PAX4: variants seen among roughly 807,000 people sequenced by gnomAD.
PAX4 encodes the protein paired box 4.
Under a neutral mutation model 40.6 loss-of-function variants are expected in PAX4, and 33 were observed. The observed-to-expected ratio is 0.81, with a 90% CI of 0.62 to 1.09. PAX4 has a LOEUF of 1.09. Ranked by LOEUF, PAX4 falls within the 50% of genes least tolerant of loss-of-function variation. The pLI is 0.00. For synonymous variants in PAX4, 174 were observed against 170.6 expected, an observed-to-expected ratio of 1.02 and a Z score of -0.16; for missense variants, 459 against 442.5, an observed-to-expected ratio of 1.04 and a Z score of -0.33.
chr7:127,616,011 C>T lies in PAX4; in HGVS notation c.-83G>A. ...AAGTTCCTTCTAGGAGCTCCTTTTC[C>T]AGCTTGGGGGCTGGCTCTGCAATAA... On this transcript the variant is annotated 5_prime_UTR_variant, in exon 3 of 12. Coordinates refer to ENST00000639438, the MANE Select transcript of PAX4 (RefSeq NM_001366110.1). 6.7e-7 allele frequency: 1 copy of T among 1,488,664 alleles called. No individual in the cohort carries two copies. The highest frequency in any genetic ancestry group is 9.0e-7 in the Non-Finnish European group (1 of 1,105,006). 92.2% of individuals were successfully genotyped at this position (1,488,664 alleles called of 1,614,324 possible).
In PAX4 at chr7:127,616,002, C is replaced by T. The variant is rs1794719338; in HGVS notation, c.-74G>A. ...TGGGAAGGGAAGTTCCTTCTAGGAG[C>T]TCCTTTTCCAGCTTGGGGGCTGGCT... On this transcript the variant is annotated 5_prime_UTR_variant, in exon 3 of 12. Transcript: ENST00000639438. 15 of 1,514,982 alleles carry T rather than the reference C, an allele frequency of 9.9e-6. No individual in the cohort carries two copies. Among genetic ancestry groups the T allele is most frequent in the African/African-American group, 1.4e-5 (1 of 72,520 alleles). 93.8% of individuals were successfully genotyped at this position (1,514,982 alleles called of 1,614,324 possible).
chr7:127,615,941 CCCT>C lies in PAX4; in HGVS notation c.-16_-14del. 1.3e-6 allele frequency: 2 copies of C among 1,536,106 alleles called. No individual in the cohort carries two copies. Among genetic ancestry groups the C allele is most frequent in the South Asian group, 2.4e-5 (2 of 84,040 alleles). The stretch of plus-strand genomic sequence containing the variant: ...CGTCCTGATGCATGCTCCAGGCTGA[CCCT>C]CCTCAGAAGGATGAGACTCCAGCTG... On this transcript the variant is annotated 5_prime_UTR_variant, in exon 3 of 12. Transcript: ENST00000639438.
chr7:127,614,986 AC>A lies in PAX4; in HGVS notation c.253del (p.Val85TrpfsTer7), dbSNP rs1261503400. On this transcript the variant is annotated frameshift_variant, in exon 5 of 12. Coordinates refer to ENST00000639438, the MANE Select transcript of PAX4 (RefSeq NM_001366110.1). LOFTEE classifies it high-confidence loss of function. ...ACCCTTCAGCTGGGCAATTCGAGCC[AC>A]CACAGGGGGTGTAGCCAGCCGTGGC... ...SKPRLATPPVVARIAQLKGEC... is the reference protein window; with the variant it reads ...SKPRLATPPVXARIAQLKGEC... The A allele has an allele frequency of 3.1e-6, 5 of 1,614,172 alleles. No homozygotes were observed. The highest frequency in any genetic ancestry group is 4.2e-6 in the Non-Finnish European group (5 of 1,180,034).
rs1362357505 is a variant in PAX4 at position 127,613,482 on chromosome 7, T to C, written c.613A>G (p.Thr205Ala). 2 of 1,614,202 alleles carry C rather than the reference T, an allele frequency of 1.2e-6. No homozygotes were observed. The highest frequency in any genetic ancestry group is 2.7e-5 in the African/African-American group (2 of 75,062). ...GTGTCCTCAGGCAGAGAGGTGGCAG[T>C]AGCCAGCTTTCCACGGGCCACTGAA... Reference protein sequence around the residue: ...PDSVARGKLATATSLPEDTVR... With the variant: ...PDSVARGKLAAATSLPEDTVR... The change falls in exon 8 of 12, where the codon ACT becomes GCT. Residue 205 changes from threonine (T) to alanine (A), a missense_variant. Coordinates refer to ENST00000639438, the MANE Select transcript of PAX4 (RefSeq NM_001366110.1).
At chr7:127,611,335 C>G in intron 11 of PAX4, 129 bp from the exon 12 acceptor site, 4 of 1,319,218 alleles carry the variant, frequency 3.0e-6, no homozygotes, top group Non-Finnish European at 4.3e-6. Context: ...GTCTCACATC[C>G]TTTACCTGCT....
intron 7 of PAX4, 88 bp downstream of exon 7, chr7:127,613,668 C>A: frequency 6.2e-7 from 1 of 1,603,118 alleles, no homozygotes; most frequent in Non-Finnish European, 8.5e-7. Flanking sequence ...ACACCTGCAC[C>A]TCTCAGCCTT....
At position 127,610,381 on chromosome 7, in the gene PAX4, T is replaced by C. The variant is rs146924944; in HGVS notation, c.*683A>G. ...AATACATATGCAAATACAAAATACATATGACAAAATACATATGACAAAAAT... is the reference window on the plus strand; with the variant it reads ...AATACATATGCAAATACAAAATACACATGACAAAATACATATGACAAAAAT... On this transcript the variant is annotated 3_prime_UTR_variant, in exon 12 of 12. Coordinates refer to ENST00000639438, the MANE Select transcript of PAX4 (RefSeq NM_001366110.1). 6.4e-6 allele frequency: 1 copy of C among 155,796 alleles called. No individual in the cohort carries two copies. Among genetic ancestry groups the C allele is most frequent in the East Asian group, 1.8e-4 (1 of 5,412 alleles). The allele number at this position is 155,796 out of a possible 1,614,324, so 9.7% of individuals were successfully genotyped here.
intron 5 of PAX4, 152 bp downstream of exon 5, chr7:127,614,728 C>A: frequency 8.2e-7 from 1 of 1,214,312 alleles, no homozygotes; most frequent in Non-Finnish European, 1.2e-6. Flanking sequence ...CTCTTATTAC[C>A]ACCACTTTTC....
chr7:127,612,934 AGGATGGATGGATGGATGGATGGAT>A, intron 9 of PAX4, 64 bp downstream of exon 9: 1 of 920,102 alleles, frequency 1.1e-6, no homozygotes, highest in Non-Finnish European at 1.8e-6. Flanking sequence ...GGACGAATGG[AGGATGGATGGATGGATGGATGGAT>A]GGATGGATGG....
At chr7:127,615,278 C>T in intron 4 of PAX4, 123 bp downstream of exon 4, 1 of 1,604,362 alleles carries the variant, frequency 6.2e-7, no homozygotes. Context: ...GAGGATCTCC[C>T]AGGAAGTGAC....
In PAX4 at chr7:127,611,546, T is replaced by A; in HGVS notation, c.902A>T (p.Lys301Met). 1.2e-6 allele frequency: 2 copies of A among 1,613,786 alleles called. No individual in the cohort carries two copies. The highest frequency in any genetic ancestry group is 1.3e-5 in the African/African-American group (1 of 75,014). The stretch of plus-strand genomic sequence containing the variant: ...GCCTGAATTCTTACCCCAGCAGGGC[T>A]TGAGACAGGCTTTAGGTGGGGTGTC... ...LSDTPPKACLKPCWGHLPPQP... is the reference protein window; with the variant it reads ...LSDTPPKACLMPCWGHLPPQP... Residue 301 changes from lysine (K) to methionine (M), a missense_variant, in exon 11 of 12, where the codon AAG (lysine) becomes ATG (methionine). Coordinates refer to ENST00000639438, the MANE Select transcript of PAX4 (RefSeq NM_001366110.1).
chr7:127,614,417 T>G lies in PAX4; in HGVS notation c.436+65A>C. ...GATCCAAGAAAGAACGAGAAAGGGC[T>G]TTGAGAACTATAAAATGCTAGAGAT... On this transcript the variant is annotated intron_variant, in intron 6 of 11. Transcript: ENST00000639438. 8.5e-6 allele frequency: 11 copies of G among 1,295,410 alleles called. No individual in the cohort carries two copies. In the South Asian group the frequency reaches 1.4e-4, roughly 16 times the overall value. The allele number at this position is 1,295,410 out of a possible 1,614,324, so 80.2% of individuals were successfully genotyped here.
At chr7:127,613,222 T>C in intron 8 of PAX4, 131 bp from the exon 9 acceptor site, 1 of 889,068 alleles carries the variant, frequency 1.1e-6, no homozygotes, top group South Asian at 1.4e-5. Context: ...CCCTCCCTGC[T>C]CTAGCTTTTG....
intron 4 of PAX4, 81 bp from the exon 5 acceptor site, chr7:127,615,176 TAAGACAAAGCC>T: frequency 6.2e-7 from 1 of 1,609,392 alleles, no homozygotes; most frequent in Non-Finnish European, 8.5e-7. Flanking sequence ...GAGGAGGCTA[TAAGACAAAGCC>T]AAGACTTACT....
intron 9 of PAX4, 61 bp from the exon 10 acceptor site, chr7:127,612,061 T>C: frequency 3.3e-6 from 5 of 1,521,462 alleles, no homozygotes; most frequent in Non-Finnish European, 4.5e-6. Context: ...GGGAGGAGTG[T>C]GGTGAGAGGC....
intron 9 of PAX4, among the ~76,000 whole-genome samples, 160 bp from the exon 10 acceptor site, chr7:127,612,160 T>C (rs1316127607): frequency 6.6e-6 from 1 of 152,220 alleles, no homozygotes; most frequent in African/African-American, 2.4e-5. Flanking sequence ...AAAACTGTCC[T>C]CTTCCCCAAG....
rs1794596884 is a variant in PAX4 at position 127,610,365 on chromosome 7, GCAAAT to G, written c.*694_*698del. ...ACATATGCAAATACAAAATACATAT[GCAAAT>G]ACAAAATACATATGACAAAATACAT... On this transcript the variant is annotated 3_prime_UTR_variant, in exon 12 of 12. Transcript: ENST00000639438. 6.4e-6 allele frequency: 1 copy of G among 156,536 alleles called. No homozygotes were observed. Among genetic ancestry groups the G allele is most frequent in the African/African-American group, 2.4e-5 (1 of 41,280 alleles). The allele number at this position is 156,536 out of a possible 1,614,324, so 9.7% of individuals were successfully genotyped here.
chr7:127,615,244 G>A, intron 4 of PAX4, 149 bp from the exon 5 acceptor site: 1 of 1,592,446 alleles, frequency 6.3e-7, no homozygotes, highest in South Asian at 1.1e-5. Flanking sequence ...TTGAGGGCCT[G>A]AGGCTCCCCT....
chr7:127,617,343 G>A lies in PAX4; in HGVS notation c.-168C>T, dbSNP rs1794736747. 6.6e-6 allele frequency: 1 copy of A among 152,198 alleles called. No homozygotes were observed. The highest frequency in any genetic ancestry group is 1.5e-5 in the Non-Finnish European group (1 of 68,036). 9.4% of individuals were successfully genotyped at this position (152,198 alleles called of 1,614,324 possible). ...TCTTTCCAAAAAGTCGGGAAAGAAGGCAGAGGTTTTCCAAAGAGAAAACTG... is the reference window on the plus strand; with the variant it reads ...TCTTTCCAAAAAGTCGGGAAAGAAGACAGAGGTTTTCCAAAGAGAAAACTG... On this transcript the variant is annotated 5_prime_UTR_variant, in exon 2 of 12. Coordinates refer to ENST00000639438, the MANE Select transcript of PAX4 (RefSeq NM_001366110.1).
Sources: gnomAD v4.1 joint callset for allele counts (sites outside exome capture counted in the v4.1 genomes callset) on GRCh38, gnomAD v4.1.1 for gene constraint, MANE v1.5 for transcripts, NCBI Gene and HGNC (gene_info 2026-07-23, HGNC 2026-07-21) for gene names.